Variants in UTRN observed in about 807,000 individuals in gnomAD.
The protein encoded by UTRN is dystrophin-related protein 1.
UTRN carries 283 observed loss-of-function variants against 463.9 expected under a neutral mutation model. That is an observed-to-expected ratio of 0.61 (90% CI 0.55 to 0.67). UTRN has a LOEUF of 0.67. Among genes scored for constraint, UTRN ranks in the 30% least tolerant of loss-of-function variants. The pLI is 0.00. For synonymous variants in UTRN, 1,442 were observed against 1,431.5 expected (o/e 1.01, Z -0.17); for missense variants, 3,922 against 4,084.3 (o/e 0.96, Z 1.08).
rs77499489 is a variant in UTRN, at chr6:144,790,722, C to T, written c.8920+1443C>T. 3.9e-3 allele frequency among the ~76,000 whole-genome samples: 595 copies of T among 152,134 alleles called. 20 individuals carry two copies. The East Asian group carries it at 0.085, about 22-fold the overall frequency. On this transcript the variant is annotated intron_variant, in intron 62 of 74. Transcript: ENST00000367545. ...AAGATATAATTTCAACAGCTGAAAA[C>T]GTTATCTTTTTATAATGATCAGGAA...
chr6:144,310,586 C>A (rs950691569), intron 2 of UTRN, among the ~76,000 whole-genome samples: 1 of 146,698 alleles, frequency 6.8e-6, no homozygotes, highest in Non-Finnish European at 1.5e-5. Flanking sequence ...CCTGTGGTCC[C>A]AGCTACCTGG....
intron 53 of UTRN, among the ~76,000 whole-genome samples, chr6:144,720,579 T>C (rs115319831): frequency 0.027 from 4,174 of 152,334 alleles, 118 homozygotes; most frequent in African/African-American, 0.071. Flanking sequence ...CAGGTCTTCA[T>C]TAATCTGCCA....
At chr6:144,343,363 A>AACACACAC (rs3061626) in intron 2 of UTRN, among the ~76,000 whole-genome samples, 1,552 of 135,372 alleles carry the variant, frequency 0.011, 39 homozygotes, top group African/African-American at 0.035. Context: ...GTCTCTACTA[A>AACACACAC]ACACACACAC....
intron 9 of UTRN, among the ~76,000 whole-genome samples, chr6:144,430,574 G>T (rs146798999): frequency 2.5e-3 from 376 of 152,248 alleles, no homozygotes; most frequent in African/African-American, 8.4e-3. Context: ...CTTGTTTTGG[G>T]TTGTTACTTA....
intron 14 of UTRN, among the ~76,000 whole-genome samples, chr6:144,445,466 G>GA (rs970657622): frequency 1.3e-5 from 2 of 151,838 alleles, no homozygotes; most frequent in African/African-American, 4.8e-5. Flanking sequence ...CTCTTCAGGG[G>GA]AAAAAACTCA....
intron 48 of UTRN, among the ~76,000 whole-genome samples, chr6:144,552,247 T>C (rs1184731224): frequency 1.5e-4 from 23 of 152,232 alleles, no homozygotes; most frequent in Admixed American, 1.5e-3. Flanking sequence ...AGGGTTATTA[T>C]AGGAGATACA....
At chr6:144,494,334 C>T (rs1385939418) in intron 33 of UTRN, among the ~76,000 whole-genome samples, 1 of 152,078 alleles carries the variant, frequency 6.6e-6, no homozygotes, top group Non-Finnish European at 1.5e-5. Flanking sequence ...TGTTACAGCT[C>T]TTAAGGCAGC....
At chr6:144,361,100 C>T (rs576441146) in intron 2 of UTRN, among the ~76,000 whole-genome samples, 2 of 152,316 alleles carry the variant, frequency 1.3e-5, no homozygotes, top group African/African-American at 4.8e-5. Flanking sequence ...AGTAAATATT[C>T]TTGTTATGCT....
At chr6:144,510,276 A>G (rs933543212) in intron 34 of UTRN, among the ~76,000 whole-genome samples, 1 of 152,196 alleles carries the variant, frequency 6.6e-6, no homozygotes, top group Non-Finnish European at 1.5e-5. Context: ...CTGTGACTAT[A>G]TACTTTGCCT....
At chr6:144,823,899 T>C (rs1779805699) in intron 66 of UTRN, among the ~76,000 whole-genome samples, 2 of 152,162 alleles carry the variant, frequency 1.3e-5, no homozygotes, top group African/African-American at 4.8e-5. Context: ...GTTTAAAGAT[T>C]TTTTTAAGAG....
At chr6:144,382,140 G>A (rs1283340949) in intron 2 of UTRN, among the ~76,000 whole-genome samples, 2 of 152,154 alleles carry the variant, frequency 1.3e-5, no homozygotes, top group Non-Finnish European at 2.9e-5. Context: ...TTGGCCACAT[G>A]TATGTCTTCT....
chr6:144,776,040 C>T (rs1319584815), intron 60 of UTRN, among the ~76,000 whole-genome samples: 1 of 152,276 alleles, frequency 6.6e-6, no homozygotes, highest in East Asian at 1.9e-4. Flanking sequence ...GCCAACTGAC[C>T]TTCACTTTTC....
chr6:144,611,824 G>T (rs550681771), intron 51 of UTRN, among the ~76,000 whole-genome samples: 1 of 152,206 alleles, frequency 6.6e-6, no homozygotes, highest in Admixed American at 6.5e-5. Flanking sequence ...TAAAATTCCA[G>T]TGTCATTTTT....
intron 41 of UTRN, 65 bp downstream of exon 41, chr6:144,523,253 G>A (rs1796265966): frequency 8.0e-7 from 1 of 1,243,560 alleles, no homozygotes; most frequent in Non-Finnish European, 1.1e-6. Context: ...GCGTGAAGAA[G>A]ATCATGTGGA....
intron 54 of UTRN, among the ~76,000 whole-genome samples, chr6:144,733,774 A>T (rs557071178): frequency 6.6e-6 from 1 of 152,312 alleles, no homozygotes; most frequent in African/African-American, 2.4e-5. Flanking sequence ...AAGGCTATTC[A>T]CTTAACAGAT....
chr6:144,813,436 C>G (rs1427610195), intron 65 of UTRN, among the ~76,000 whole-genome samples: 6 of 152,202 alleles, frequency 3.9e-5, no homozygotes, highest in African/African-American at 1.4e-4. Context: ...ATCCGCCCGC[C>G]TCGGCCTCCC....
chr6:144,444,197 A>G, intron 13 of UTRN, 84 bp from the exon 14 acceptor site: 5 of 1,120,436 alleles, frequency 4.5e-6, no homozygotes, highest in Non-Finnish European at 5.1e-6. Context: ...AATAAAGAAC[A>G]ATGGAAATCA....
At position 144,437,447 on chromosome 6, in the gene UTRN, A is replaced by G; in HGVS notation, c.1060-118A>G. ...TCAATGTCTATTTTATTTGCGCTCT[A>G]CTAGGCTACCTTTTTCTGCATCACT... On this transcript the variant is annotated intron_variant, in intron 10 of 74. Transcript: ENST00000367545. The G allele has an allele frequency of 6.9e-6, 7 of 1,010,350 alleles. No individual in the cohort carries two copies. The South Asian group carries it at 8.8e-5, about 13-fold the overall frequency. 62.6% of individuals were successfully genotyped at this position (1,010,350 alleles called of 1,614,324 possible). A position where few individuals can be genotyped will look rare whatever the true frequency, so the allele number is the denominator to read the frequency against.
At chr6:144,436,815 AAAAT>A (rs937455935) in intron 10 of UTRN, among the ~76,000 whole-genome samples, 23 of 142,926 alleles carry the variant, frequency 1.6e-4, no homozygotes, top group Admixed American at 1.3e-3. Flanking sequence ...TATATAAATA[AAAAT>A]AAATATATAT....
Sources: gnomAD v4.1 joint callset for allele counts (sites outside exome capture counted in the v4.1 genomes callset) on GRCh38, gnomAD v4.1.1 for gene constraint, MANE v1.5 for transcripts, NCBI Gene and HGNC (gene_info 2026-07-23, HGNC 2026-07-21) for gene names.